The following GAPVD1 variants were observed in gnomAD, a reference collection of about 807,000 sequenced individuals.
The protein encoded by GAPVD1 is GTPase activating protein and VPS9 domains 1, also known as GTPase-activating protein and VPS9 domain-containing protein 1.
A neutral mutation model predicts 155.5 loss-of-function variants in GAPVD1; 35 were observed. The ratio of observed to expected loss-of-function variants is 0.23; its 90% confidence interval spans 0.17 to 0.30. GAPVD1 has a LOEUF of 0.30. GAPVD1 is among the 10% of genes least tolerant of loss of function. The pLI is 1.00. For missense variants in GAPVD1, 1,429 were observed against 1,775.7 expected, an observed-to-expected ratio of 0.80 and a Z score of 3.51; for synonymous variants, 636 against 619.7, an observed-to-expected ratio of 1.03 and a Z score of -0.39.
chr9:125,334,765 G>C (rs1196425051), intron 15 of GAPVD1, among the ~76,000 whole-genome samples: 3 of 150,680 alleles, frequency 2.0e-5, no homozygotes, highest in African/African-American at 7.3e-5. Flanking sequence ...AAATTAGCCA[G>C]GTGTGGTGGC....
chr9:125,321,344 T>C (rs1269142334), intron 9 of GAPVD1, 89 bp from the exon 10 acceptor site: 9 of 856,488 alleles, frequency 1.1e-5, no homozygotes, highest in African/African-American at 1.7e-5. Context: ...TAATTTAAGA[T>C]TAAGGAGTTA....
chr9:125,353,343 G>A lies in GAPVD1; in HGVS notation c.3570-1311G>A, dbSNP rs556721066. Among the ~76,000 whole-genome samples, 188 of 152,170 alleles carry A rather than the reference G, an allele frequency of 1.2e-3. 1 individual carries two copies. The highest frequency in any genetic ancestry group is 4.1e-3 in the African/African-American group (171 of 41,506). On this transcript the variant is annotated intron_variant, in intron 23 of 27. Coordinates refer to ENST00000297933, the MANE Select transcript of GAPVD1 (RefSeq NM_001282680.3). Reference sequence around the variant, plus strand: ...TCTCCACCTCAGCCTGGACCTTATCGTTCATATCACTGTCAGCATTTTCGT... The same window carrying A: ...TCTCCACCTCAGCCTGGACCTTATCATTCATATCACTGTCAGCATTTTCGT...
intron 15 of GAPVD1, 120 bp downstream of exon 15, chr9:125,332,749 G>T: frequency 1.3e-6 from 1 of 794,160 alleles, no homozygotes; most frequent in South Asian, 1.7e-5. Context: ...TACTTTGTCA[G>T]TATCTATTTA....
chr9:125,296,163 CACTT>C (rs1424411064), intron 3 of GAPVD1, among the ~76,000 whole-genome samples: 2 of 151,664 alleles, frequency 1.3e-5, no homozygotes, highest in African/African-American at 2.4e-5. Context: ...GACATCCTAA[CACTT>C]TCTTTCTTTC....
intron 24 of GAPVD1, 120 bp from the exon 25 acceptor site, chr9:125,355,524 T>G (rs769875269): frequency 2.6e-4 from 164 of 634,086 alleles, no homozygotes; most frequent in Non-Finnish European, 4.0e-4. Flanking sequence ...GAAACACTTT[T>G]GGCTTTAAGA....
intron 2 of GAPVD1, among the ~76,000 whole-genome samples, chr9:125,269,221 G>GC (rs1478222953): frequency 1.3e-5 from 2 of 151,920 alleles, no homozygotes; most frequent in Non-Finnish European, 2.9e-5. Context: ...ATGCTACTTT[G>GC]CCCAGCTGAG....
Position 125,344,354 on chromosome 9 carries a change from T to C in GAPVD1, c.3046+2055T>C, listed in dbSNP as rs114329056. Among the ~76,000 whole-genome samples, 557 of 152,308 alleles carry C rather than the reference T, an allele frequency of 3.7e-3. 4 individuals carry two copies. Among genetic ancestry groups the C allele is most frequent in the African/African-American group, 0.012 (498 of 41,552 alleles). ...TATTTTATAAAACCTCCCCCAATTT[T>C]TAGACATAGTTGGGTTTTATATCAT... On this transcript the variant is annotated intron_variant, in intron 19 of 27. Transcript: ENST00000297933.
chr9:125,363,917 G>A lies in GAPVD1; in HGVS notation c.*1171G>A, dbSNP rs1851256631. The A allele has an allele frequency of 6.6e-6, 1 of 152,566 alleles. No individual in the cohort carries two copies. Among genetic ancestry groups the A allele is most frequent in the Non-Finnish European group, 1.5e-5 (1 of 68,040 alleles). 9.5% of individuals were successfully genotyped at this position (152,566 alleles called of 1,614,324 possible). A position where few individuals can be genotyped will look rare whatever the true frequency, so the allele number is the denominator to read the frequency against. On this transcript the variant is annotated 3_prime_UTR_variant, in exon 28 of 28. Transcript: ENST00000297933. ...GTGTTTTCATAGTTTGGTTTGCATT[G>A]TATATCAATAATTAATCAGGAATGG... is the stretch of plus-strand genomic sequence containing the variant.
At position 125,273,500 on chromosome 9, in the gene GAPVD1, T is replaced by TC. The variant is rs553884670; in HGVS notation, c.-150+4516_-150+4517insC. On this transcript the variant is annotated intron_variant, in intron 2 of 27. Transcript: ENST00000297933. ...AATTTTTATTGTTTTTCTTTTCTTT[T>TC]TTTTTTTTTTTAATTCTTCAGCTAA... is the stretch of plus-strand genomic sequence containing the variant. Among the ~76,000 whole-genome samples, 693 of 151,868 alleles carry TC rather than the reference T, an allele frequency of 4.6e-3. 5 individuals are homozygous for TC. The highest frequency in any genetic ancestry group is 0.01 in the Middle Eastern group (3 of 294).
At position 125,307,808 on chromosome 9, in the gene GAPVD1, A is replaced by T. The variant is rs538146235; in HGVS notation, c.1369A>T (p.Met457Leu). 1 of 1,613,772 alleles carries T rather than the reference A, an allele frequency of 6.2e-7. No homozygotes were observed. The highest frequency in any genetic ancestry group is 1.3e-5 in the African/African-American group (1 of 75,038). Residue 457 changes from methionine (M) to leucine (L), a missense_variant, in exon 8 of 28, where the codon ATG becomes TTG. Met to Leu is a conservative substitution (Grantham distance 15, BLOSUM62 2). Coordinates refer to ENST00000297933, the MANE Select transcript of GAPVD1 (RefSeq NM_001282680.3). ...AKPGKSSSLE[M>L]TPYNTPQLSP... is the part of the protein sequence containing the mutation. ...GCCAGGAAAAAGTAGCAGTTTAGAAATGACTCCCTACAATACACCTCAGCT... is the reference window on the plus strand; with the variant it reads ...GCCAGGAAAAAGTAGCAGTTTAGAATTGACTCCCTACAATACACCTCAGCT...
At chr9:125,329,870 C>T (rs553673195) in intron 12 of GAPVD1, among the ~76,000 whole-genome samples, 29 of 152,210 alleles carry the variant, frequency 1.9e-4, no homozygotes, top group African/African-American at 4.8e-4. Flanking sequence ...TCAGTAGAGA[C>T]GGGGTTTCGC....
At chr9:125,334,169 C>T (rs1416643053) in intron 15 of GAPVD1, among the ~76,000 whole-genome samples, 14 of 151,552 alleles carry the variant, frequency 9.2e-5, no homozygotes, top group Admixed American at 6.6e-4. Flanking sequence ...CCATTTTCAC[C>T]GTGTCGACAT....
At chr9:125,263,636 C>T in intron 1 of GAPVD1, 6 of 1,139,688 alleles carry the variant, frequency 5.3e-6, no homozygotes, top group Non-Finnish European at 7.9e-6. Flanking sequence ...TGGAATTTGG[C>T]TGCTGACCCA....
At chr9:125,263,470 A>T in intron 1 of GAPVD1, 1 of 653,932 alleles carries the variant, frequency 1.5e-6, no homozygotes, top group Non-Finnish European at 2.7e-6. Flanking sequence ...AAAACAAAAA[A>T]ACTCCTGAAA....
Position 125,342,843 on chromosome 9 carries a change from A to G in GAPVD1, c.3046+544A>G, listed in dbSNP as rs557930984. Among the ~76,000 whole-genome samples the G allele has an allele frequency of 2.6e-5, 4 of 152,258 alleles. No individual in the cohort carries two copies. The East Asian group carries it at 7.7e-4, about 29-fold the overall frequency. On this transcript the variant is annotated intron_variant, in intron 19 of 27. Transcript: ENST00000297933. Reference sequence around the variant, plus strand: ...CCAACCATTATAATGAAAGTTTTAAAAACTTTACTAATTTTTTACAGCTTG... The same window carrying G: ...CCAACCATTATAATGAAAGTTTTAAGAACTTTACTAATTTTTTACAGCTTG...
Position 125,305,159 on chromosome 9 carries a change from A to C in GAPVD1, c.1116+10A>C, listed in dbSNP as rs777975394. 1.5e-5 allele frequency: 23 copies of C among 1,573,228 alleles called. No homozygotes were observed. The highest frequency in any genetic ancestry group is 4.1e-5 in the African/African-American group (3 of 73,942). ...TGGAAAGTTTGACAAAGTAAGAATA[A>C]ATATGATTTATAGAAAATTCTGAAG... On this transcript the variant is annotated intron_variant, in intron 6 of 27. Coordinates refer to ENST00000297933, the MANE Select transcript of GAPVD1 (RefSeq NM_001282680.3).
chr9:125,346,758 C>G, intron 19 of GAPVD1, 61 bp from the exon 20 acceptor site: 1 of 1,288,906 alleles, frequency 7.8e-7, no homozygotes, highest in South Asian at 1.2e-5. Context: ...TGGTGTCATA[C>G]TAACATCAGA....
intron 12 of GAPVD1, among the ~76,000 whole-genome samples, chr9:125,329,634 GTTT>G (rs141414767): frequency 3.8e-4 from 53 of 141,134 alleles, no homozygotes; most frequent in Admixed American, 4.2e-4. Flanking sequence ...GAATTTGGTG[GTTT>G]TTTTTTTTTT....
chr9:125,276,861 C>T (rs941617581), intron 2 of GAPVD1, among the ~76,000 whole-genome samples: 8 of 152,144 alleles, frequency 5.3e-5, no homozygotes, highest in Admixed American at 1.3e-4. Context: ...TGGGCTCAAG[C>T]AGTGTTCTCA....
Sources: allele counts gnomAD v4.1 joint callset (sites outside exome capture counted in the v4.1 genomes callset), GRCh38; gene constraint gnomAD v4.1.1; transcripts MANE v1.5; gene names NCBI Gene and HGNC (gene_info 2026-07-23, HGNC 2026-07-21).